The following RRH variants were observed in gnomAD, a reference collection of about 807,000 sequenced individuals.
RRH encodes retinal pigment epithelium-derived rhodopsin homolog.
RRH carries 36 observed loss-of-function variants against 33.1 expected under a neutral mutation model. The ratio of observed to expected loss-of-function variants is 1.09; its 90% CI spans 0.83 to 1.44. The LOEUF is 1.44. Among genes scored for constraint, RRH ranks in the 40% most tolerant of loss-of-function variants. The pLI is 0.00. For missense variants in RRH, 393 were observed against 420.2 expected, an observed-to-expected ratio of 0.94 and a Z score of 0.57; for synonymous variants, 124 against 140.2, an observed-to-expected ratio of 0.88 and a Z score of 0.82.
rs754729462 is a variant in RRH at position 109,844,177 on chromosome 4, T to C, written c.994T>C (p.Leu332=). ...ACCCATGGATGTATCTCAAAACCCA[T>C]TGGCTTCTGGAAGAATCTGAAATAA... is the stretch of plus-strand genomic sequence containing the variant. ...ILPMDVSQNP[L]ASGRI is the part of the protein sequence containing the mutation. The change falls in exon 7 of 7, where the codon TTG becomes CTG. Residue 332 remains leucine (L), a synonymous_variant. Coordinates refer to ENST00000317735, the MANE Select transcript of RRH (RefSeq NM_006583.5). 13 of 1,610,522 alleles carry C rather than the reference T, an allele frequency of 8.1e-6. No homozygotes were observed. Among genetic ancestry groups the C allele is most frequent in the East Asian group, 6.7e-5 (3 of 44,842 alleles).
chr4:109,832,495 A>AGTTGTGT (rs1553921262), intron 1 of RRH, among the ~76,000 whole-genome samples: 1 of 135,180 alleles, frequency 7.4e-6, no homozygotes, highest in Admixed American at 7.5e-5. Context: ...CTATTGGGGT[A>AGTTGTGT]GTGTGTGTGT....
rs374142263 is a variant in RRH, at chr4:109,828,024, C to A, written c.-4C>A. 2 of 1,594,954 alleles carry A rather than the reference C, an allele frequency of 1.3e-6. No individual in the cohort carries two copies. The highest frequency in any genetic ancestry group is 1.7e-6 in the Non-Finnish European group (2 of 1,163,102). ...GAAGGGTGTTTCGGTATCTTCCCTCCAAAATGCTAAGAAATAATTTAGGCA... is the reference window on the plus strand; with the variant it reads ...GAAGGGTGTTTCGGTATCTTCCCTCAAAAATGCTAAGAAATAATTTAGGCA... On this transcript the variant is annotated 5_prime_UTR_variant, in exon 1 of 7. Coordinates refer to ENST00000317735, the MANE Select transcript of RRH (RefSeq NM_006583.5).
At chr4:109,837,215 C>G (rs897154392) in intron 4 of RRH, among the ~76,000 whole-genome samples, 8 of 152,248 alleles carry the variant, frequency 5.3e-5, no homozygotes, top group South Asian at 4.2e-4. Context: ...TGGCTGTGTT[C>G]CAATAAAACT....
At chr4:109,841,249 G>A (rs1733976173) in intron 5 of RRH, among the ~76,000 whole-genome samples, 1 of 151,944 alleles carries the variant, frequency 6.6e-6, no homozygotes, top group South Asian at 2.1e-4. Flanking sequence ...TTTTATTCTG[G>A]GCAGATCAGT....
chr4:109,831,008 G>C (rs1414278306), intron 1 of RRH, among the ~76,000 whole-genome samples: 40 of 152,148 alleles, frequency 2.6e-4, no homozygotes, highest in Admixed American at 2.6e-3. Flanking sequence ...ATACTCATTA[G>C]AAGACCTACA....
chr4:109,828,243 C>A, intron 1 of RRH, 110 bp downstream of exon 1: 1 of 722,448 alleles, frequency 1.4e-6, no homozygotes. Context: ...CCAACCTTGA[C>A]AAGTCATTTA....
intron 5 of RRH, among the ~76,000 whole-genome samples, chr4:109,840,354 A>G (rs141839028): frequency 6.6e-6 from 1 of 151,938 alleles, no homozygotes; most frequent in Non-Finnish European, 1.5e-5. Flanking sequence ...TTCCTTGTAG[A>G]TGCTGGATAT....
intron 6 of RRH, among the ~76,000 whole-genome samples, chr4:109,843,403 G>A (rs369638399): frequency 3.6e-4 from 55 of 152,250 alleles, no homozygotes; most frequent in African/African-American, 1.3e-3. Flanking sequence ...TAGAGATGGG[G>A]TTTCACCATC....
chr4:109,833,775 A>C (rs1161737556), intron 2 of RRH, among the ~76,000 whole-genome samples: 1 of 152,216 alleles, frequency 6.6e-6, no homozygotes, highest in Non-Finnish European at 1.5e-5. Context: ...GTTATTTTTT[A>C]GTAAAAAGGA....
At chr4:109,836,232 G>A (rs1733882476) in intron 4 of RRH, 72 bp downstream of exon 4, 2 of 1,521,184 alleles carry the variant, frequency 1.3e-6, no homozygotes, top group Non-Finnish European at 1.8e-6. Context: ...TCAAATTTAA[G>A]CTCAGATCAT....
intron 1 of RRH, among the ~76,000 whole-genome samples, chr4:109,832,623 T>C (rs1733781071): frequency 6.6e-6 from 1 of 151,338 alleles, no homozygotes; most frequent in Admixed American, 6.6e-5. Context: ...TAAACGACAA[T>C]GAGTTCAATG....
intron 2 of RRH, among the ~76,000 whole-genome samples, chr4:109,835,120 T>G (rs944695203): frequency 6.6e-6 from 1 of 152,184 alleles, no homozygotes; most frequent in Non-Finnish European, 1.5e-5. Context: ...CATAGAGTGT[T>G]GTAAAGAAAT....
At chr4:109,838,138 C>T (rs113850002) in intron 5 of RRH, among the ~76,000 whole-genome samples, 20 of 146,992 alleles carry the variant, frequency 1.4e-4, no homozygotes, top group African/African-American at 5.2e-4. Context: ...TTTTGTTGGT[C>T]ATCATCTCTT....
intron 4 of RRH, among the ~76,000 whole-genome samples, chr4:109,837,116 T>A (rs1733901424): frequency 6.6e-6 from 1 of 152,070 alleles, no homozygotes; most frequent in Non-Finnish European, 1.5e-5. Flanking sequence ...TAATTTAGGC[T>A]TTATAGCCCA....
At chr4:109,835,285 A>G in intron 2 of RRH, 81 bp from the exon 3 acceptor site, 1 of 879,578 alleles carries the variant, frequency 1.1e-6, no homozygotes, top group African/African-American at 1.6e-5. Context: ...TATTTGAGAT[A>G]TATTCTAACA....
At chr4:109,835,934 C>CA in intron 3 of RRH, 73 bp from the exon 4 acceptor site, 1 of 1,579,072 alleles carries the variant, frequency 6.3e-7, no homozygotes, top group African/African-American at 1.3e-5. Flanking sequence ...ATAACACTTA[C>CA]AAATCAAGCA....
intron 5 of RRH, 57 bp downstream of exon 5, chr4:109,837,662 T>C: frequency 7.2e-7 from 1 of 1,385,454 alleles, no homozygotes; most frequent in Non-Finnish European, 1.0e-6. Context: ...CCACTCATAG[T>C]TGAAAGAGTC....
chr4:109,843,782 A>G (rs1210655453), intron 6 of RRH, among the ~76,000 whole-genome samples: 2 of 152,208 alleles, frequency 1.3e-5, no homozygotes, highest in African/African-American at 4.8e-5. Flanking sequence ...TACTTTTAGT[A>G]GATGTCTTCA....
intron 2 of RRH, 79 bp from the exon 3 acceptor site, chr4:109,835,287 A>G: frequency 1.1e-6 from 1 of 913,344 alleles, no homozygotes; most frequent in East Asian, 2.4e-5. Context: ...TTTGAGATAT[A>G]TTCTAACAAT....
Sources: allele counts gnomAD v4.1 joint callset (sites outside exome capture counted in the v4.1 genomes callset), GRCh38; gene constraint gnomAD v4.1.1; transcripts MANE v1.5; gene names NCBI Gene and HGNC (gene_info 2026-07-23, HGNC 2026-07-21).